The following SMKR1 variants were observed in gnomAD, a reference collection of about 807,000 sequenced individuals.
SMKR1 encodes small lysine rich protein 1.
Under a neutral mutation model 4.0 loss-of-function variants are expected in SMKR1, and 4 were observed. That is an observed-to-expected ratio of 1.00 (90% CI 0.49 to 2.30). The LOEUF is 2.30. Among genes scored for constraint, SMKR1 ranks in the 30% most tolerant of loss-of-function variants. The pLI is 0.02. For missense variants in SMKR1, 56 were observed against 81.8 expected, an observed-to-expected ratio of 0.68 and a Z score of 1.22; for synonymous variants, 38 against 32.5, an observed-to-expected ratio of 1.17 and a Z score of -0.58.
At chr7:129,508,699 C>A (rs1333941802) in intron 1 of SMKR1, among the ~76,000 whole-genome samples, 2 of 152,282 alleles carry the variant, frequency 1.3e-5, no homozygotes, top group East Asian at 1.9e-4. Context: ...CTGCCTCAGT[C>A]TCCCAGAGTG....
chr7:129,511,435 T>C (rs1799525663), intron 1 of SMKR1, among the ~76,000 whole-genome samples: 1 of 152,240 alleles, frequency 6.6e-6, no homozygotes, highest in Non-Finnish European at 1.5e-5. Flanking sequence ...CCTACAGATT[T>C]CAGTGTGCAC....
chr7:129,509,895 T>C (rs1799509438), intron 1 of SMKR1, among the ~76,000 whole-genome samples: 1 of 152,332 alleles, frequency 6.6e-6, no homozygotes, highest in South Asian at 2.1e-4. Context: ...TTGGGACATT[T>C]TTTGACCGCA....
At position 129,502,812 on chromosome 7, in the gene SMKR1, G is replaced by T. The variant is rs1482842839; in HGVS notation, c.-13G>T. Reference sequence around the variant, plus strand: ...AGAGTCCACCACGCCTGCCTGCTCGGCTGAGAATCGCCATGGTAATCCCCG... The same window carrying T: ...AGAGTCCACCACGCCTGCCTGCTCGTCTGAGAATCGCCATGGTAATCCCCG... On this transcript the variant is annotated 5_prime_UTR_variant, in exon 1 of 2. Transcript: ENST00000462322. 1 of 1,535,126 alleles carries T rather than the reference G, an allele frequency of 6.5e-7. No individual in the cohort carries two copies. The highest frequency in any genetic ancestry group is 1.2e-5 in the South Asian group (1 of 84,058).
intron 1 of SMKR1, among the ~76,000 whole-genome samples, chr7:129,503,078 G>A (rs2095549129): frequency 6.6e-6 from 1 of 151,334 alleles, no homozygotes; most frequent in African/African-American, 2.4e-5. Flanking sequence ...ACACCCAGAC[G>A]GTTGATGTGG....
At chr7:129,503,506 A>G (rs1286749457) in intron 1 of SMKR1, among the ~76,000 whole-genome samples, 2 of 152,234 alleles carry the variant, frequency 1.3e-5, no homozygotes, top group Non-Finnish European at 2.9e-5. Context: ...AAAACGAACA[A>G]AAACCCTGCA....
intron 1 of SMKR1, 40 bp from the exon 2 acceptor site, chr7:129,512,207 C>A (rs1336526302): frequency 8.1e-6 from 12 of 1,476,274 alleles, no homozygotes; most frequent in Admixed American, 2.7e-5. Context: ...AACCAAAAAA[C>A]TAACTTCCCT....
chr7:129,511,270 A>T (rs1385239877), intron 1 of SMKR1, among the ~76,000 whole-genome samples: 1 of 152,246 alleles, frequency 6.6e-6, no homozygotes, highest in Non-Finnish European at 1.5e-5. Context: ...ACATAAATGA[A>T]AATAAAATCA....
chr7:129,503,138 C>T (rs2151026595), intron 1 of SMKR1, among the ~76,000 whole-genome samples: 1 of 151,910 alleles, frequency 6.6e-6, no homozygotes, highest in Admixed American at 6.5e-5. Context: ...GGCGCCAGGC[C>T]ATGCCCACAG....
At chr7:129,504,274 C>T (rs1056588109) in intron 1 of SMKR1, among the ~76,000 whole-genome samples, 2 of 152,240 alleles carry the variant, frequency 1.3e-5, no homozygotes. Context: ...ACCTTGCCTA[C>T]CTTTCCTTCC....
rs1465290133 is a variant in SMKR1 at position 129,512,285 on chromosome 7, T to A, written c.42T>A (p.Ser14=). The change falls in exon 2 of 2, where the codon TCT becomes TCA. Residue 14 remains serine (S), a synonymous_variant. Coordinates refer to ENST00000462322, the MANE Select transcript of SMKR1 (RefSeq NM_001195243.2). ...AAAAAGGAAAAGGCCAGGGCAAGTC[T>A]CATGGGAAGAAACAGAAGAAACCAG... ...KGKKGKGQGK[S]HGKKQKKPEV... is the part of the protein sequence containing the mutation. 1 of 1,534,904 alleles carries A rather than the reference T, an allele frequency of 6.5e-7. No homozygotes were observed. Among genetic ancestry groups the A allele is most frequent in the Admixed American group, 2.0e-5 (1 of 50,780 alleles).
In SMKR1 at chr7:129,512,265, G is replaced by A. The variant is rs1466099032; in HGVS notation, c.22G>A (p.Gly8Arg). 1.3e-6 allele frequency: 2 copies of A among 1,512,864 alleles called. No individual in the cohort carries two copies. The highest frequency in any genetic ancestry group is 2.5e-5 in the East Asian group (1 of 40,674). 93.7% of individuals were successfully genotyped at this position (1,512,864 alleles called of 1,614,324 possible). The change falls in exon 2 of 2, where the codon GGA becomes AGA. Residue 8 changes from glycine (G) to arginine (R), a missense_variant. Gly to Arg is a moderately radical substitution (Grantham distance 125). Transcript: ENST00000462322. ...TTGAAAGCCAGCTAAAGGGAAAAAA[G>A]GAAAAGGCCAGGGCAAGTCTCATGG... MPAKGKK[G>R]KGQGKSHGKK...
intron 1 of SMKR1, among the ~76,000 whole-genome samples, chr7:129,507,670 A>T (rs1166132702): frequency 6.6e-6 from 1 of 152,182 alleles, no homozygotes. Context: ...GTTTCTTTAC[A>T]TCTTCACTAA....
intron 1 of SMKR1, among the ~76,000 whole-genome samples, chr7:129,505,483 CTTT>C (rs879607372): frequency 6.9e-6 from 1 of 145,116 alleles, no homozygotes. Context: ...CTCTTTTTCT[CTTT>C]TTTTTTTTTG....
At position 129,512,582 on chromosome 7, in the gene SMKR1, A is replaced by G; in HGVS notation, c.*141A>G. On this transcript the variant is annotated 3_prime_UTR_variant, in exon 2 of 2. Coordinates refer to ENST00000462322, the MANE Select transcript of SMKR1 (RefSeq NM_001195243.2). The stretch of plus-strand genomic sequence containing the variant: ...TAAGTGTGCTTTTCTGTGATGGTGG[A>G]AGATCAGGAAATGCACCTTACTTCC... 1.1e-6 allele frequency: 1 copy of G among 883,310 alleles called. No individual in the cohort carries two copies. Among genetic ancestry groups the G allele is most frequent in the Non-Finnish European group, 1.6e-6 (1 of 611,492 alleles). The allele number at this position is 883,310 out of a possible 1,614,324, so 54.7% of individuals were successfully genotyped here.
intron 1 of SMKR1, among the ~76,000 whole-genome samples, chr7:129,507,766 G>A (rs1799485100): frequency 6.6e-6 from 1 of 152,134 alleles, no homozygotes; most frequent in Admixed American, 6.5e-5. Flanking sequence ...TTTCACTAAT[G>A]ACTTAATGTT....
intron 1 of SMKR1, among the ~76,000 whole-genome samples, chr7:129,510,643 G>A (rs759873668): frequency 1.3e-5 from 2 of 152,120 alleles, no homozygotes; most frequent in Admixed American, 6.6e-5. Flanking sequence ...TGAGAGGATC[G>A]CTTGAGCCTG....
chr7:129,506,451 T>TA (rs1170980031), intron 1 of SMKR1, among the ~76,000 whole-genome samples: 1 of 152,004 alleles, frequency 6.6e-6, no homozygotes, highest in African/African-American at 2.4e-5. Context: ...AAAAAATAAA[T>TA]AAAAAATAAA....
At position 129,512,623 on chromosome 7, in the gene SMKR1, A is replaced by T; in HGVS notation, c.*182A>T. On this transcript the variant is annotated 3_prime_UTR_variant, in exon 2 of 2. Transcript: ENST00000462322. ...CCTTACTTCCTCTGTTATGCCAGAT[A>T]TGGTTAGCCACTTTGGTTTTTTAGG... is the stretch of plus-strand genomic sequence containing the variant. 3.1e-6 allele frequency: 2 copies of T among 644,620 alleles called. No individual in the cohort carries two copies. Among genetic ancestry groups the T allele is most frequent in the South Asian group, 5.1e-5 (2 of 39,492 alleles). The allele number at this position is 644,620 out of a possible 1,614,324, so 39.9% of individuals were successfully genotyped here.
intron 1 of SMKR1, among the ~76,000 whole-genome samples, chr7:129,510,620 T>C (rs1403318713): frequency 6.6e-6 from 1 of 152,098 alleles, no homozygotes; most frequent in Non-Finnish European, 1.5e-5. Flanking sequence ...CCCAGCTACT[T>C]GGGCGGCTGA....
Sources: gnomAD v4.1 joint callset for allele counts (sites outside exome capture counted in the v4.1 genomes callset) on GRCh38, gnomAD v4.1.1 for gene constraint, MANE v1.5 for transcripts, NCBI Gene and HGNC (gene_info 2026-07-23, HGNC 2026-07-21) for gene names.